The following SLC5A10 variants were observed in gnomAD, a reference collection of about 807,000 sequenced individuals.
The protein encoded by SLC5A10 is solute carrier family 5 member 10, also known as sodium/mannose cotransporter SLC5A10.
In SLC5A10, 55 loss-of-function variants were observed where a neutral mutation model predicts 68.9. That is an observed-to-expected ratio of 0.80 (90% CI 0.64 to 1.00). The LOEUF is 1.00. Among genes scored for constraint, SLC5A10 ranks in the 50% least tolerant of loss-of-function variants. The probability of loss-of-function intolerance (pLI) is 0.00; values close to 1 mark genes in which losing one functional copy is unlikely to be tolerated. For missense variants in SLC5A10, 732 were observed against 819.3 expected, an observed-to-expected ratio of 0.89 and a Z score of 1.30; for synonymous variants, 344 against 344.8, an observed-to-expected ratio of 1.00 and a Z score of 0.02.
intron 5 of SLC5A10, among the ~76,000 whole-genome samples, chr17:18,966,092 G>A (rs1325158058): frequency 2.0e-5 from 3 of 152,336 alleles, no homozygotes; most frequent in East Asian, 1.9e-4. Context: ...AACCAGGGCC[G>A]TGAAGCACTG....
chr17:18,994,151 A>G (rs529811545), intron 9 of SLC5A10, among the ~76,000 whole-genome samples: 1 of 152,300 alleles, frequency 6.6e-6, no homozygotes, highest in Non-Finnish European at 1.5e-5. Flanking sequence ...TTCAACTTCC[A>G]CTTACAGCCA....
Position 19,021,222 on chromosome 17 carries a change from C to T in SLC5A10, c.*791C>T, listed in dbSNP as rs889680493. 2 of 152,300 alleles carry T rather than the reference C, an allele frequency of 1.3e-5. No homozygotes were observed. Among genetic ancestry groups the T allele is most frequent in the Non-Finnish European group, 2.9e-5 (2 of 68,098 alleles). 9.4% of individuals were successfully genotyped at this position (152,300 alleles called of 1,614,324 possible). Reference sequence around the variant, plus strand: ...GGTCTGGGCAGAACCTGGGCCTAAACAAACAAGAGCCAGGGCAGCCAGGGT... The same window carrying T: ...GGTCTGGGCAGAACCTGGGCCTAAATAAACAAGAGCCAGGGCAGCCAGGGT... On this transcript the variant is annotated 3_prime_UTR_variant, in exon 15 of 15. Transcript: ENST00000395645. The surrounding 1 kb of genome is among the most constrained non-coding windows in gnomAD (Gnocchi z 4.1).
Position 18,995,401 on chromosome 17 carries a change from T to C in SLC5A10, c.983-18009T>C, listed in dbSNP as rs78338149. 0.017 allele frequency among the ~76,000 whole-genome samples: 2,541 copies of C among 152,230 alleles called. 121 individuals are homozygous for C. The South Asian group carries it at 0.2, about 12-fold the overall frequency. On this transcript the variant is annotated intron_variant, in intron 9 of 14. Transcript: ENST00000395645. ...ACTATAGAAGAGAAAATTAGTGAAC[T>C]TGAAGACATGTAAGTAGAAACTGTC...
rs536885783 is a variant in SLC5A10, at chr17:18,979,034, T to C, written c.982+2045T>C. 8.7e-5 allele frequency: 58 copies of C among 665,796 alleles called. 1 individual carries two copies. The Middle Eastern group carries it at 1.3e-3, about 14-fold the overall frequency. 41.2% of individuals were successfully genotyped at this position (665,796 alleles called of 1,614,324 possible). On this transcript the variant is annotated intron_variant, in intron 9 of 14. Transcript: ENST00000395645. ...CTGAGTCGGATGTCAAGCAAGTTGGTTGCACCAAGCCCATTCCCACCTCTG... is the reference window on the plus strand; with the variant it reads ...CTGAGTCGGATGTCAAGCAAGTTGGCTGCACCAAGCCCATTCCCACCTCTG...
chr17:18,965,089 A>T lies in SLC5A10; in HGVS notation c.454-3963A>T, dbSNP rs538381466. ...AACCCAGGAGGCAGAGGTTTTTTTAAAAAAAAAAAAAAAGAGGAAATGCAG... is the reference window on the plus strand; with the variant it reads ...AACCCAGGAGGCAGAGGTTTTTTTATAAAAAAAAAAAAAGAGGAAATGCAG... On this transcript the variant is annotated intron_variant, in intron 5 of 14. Coordinates refer to ENST00000395645, the MANE Select transcript of SLC5A10 (RefSeq NM_001042450.4). Among the ~76,000 whole-genome samples, 44 of 126,106 alleles carry T rather than the reference A, an allele frequency of 3.5e-4. No individual in the cohort carries two copies. In the East Asian group the frequency reaches 4.2e-3, roughly 12 times the overall value. The allele number at this position is 126,106 out of a possible 152,430, so 82.7% of individuals were successfully genotyped here.
chr17:19,013,036 CCT>C (rs1456822999), intron 9 of SLC5A10, among the ~76,000 whole-genome samples: 2 of 152,232 alleles, frequency 1.3e-5, no homozygotes, highest in African/African-American at 2.4e-5. Flanking sequence ...ATCCTGCAGG[CCT>C]CTCTCTTCTC....
intron 10 of SLC5A10, among the ~76,000 whole-genome samples, chr17:19,014,129 AG>A (rs1207943614): frequency 1.3e-5 from 2 of 152,192 alleles, no homozygotes; most frequent in South Asian, 4.1e-4. Flanking sequence ...CCTTCCGGGC[AG>A]GGGGGCCTAT....
intron 8 of SLC5A10, among the ~76,000 whole-genome samples, chr17:18,973,471 T>C (rs1014166506): frequency 6.6e-6 from 1 of 152,212 alleles, no homozygotes; most frequent in Non-Finnish European, 1.5e-5. Context: ...CCCCATCCTC[T>C]ACCCCTTGGG....
chr17:19,004,710 G>T lies in SLC5A10; in HGVS notation c.983-8700G>T. The T allele has an allele frequency of 6.6e-6, 1 of 151,554 alleles. No individual in the cohort carries two copies. Among genetic ancestry groups the T allele is most frequent in the South Asian group, 1.9e-4 (1 of 5,268 alleles). 9.4% of individuals were successfully genotyped at this position (151,554 alleles called of 1,614,324 possible). A position where few individuals can be genotyped will look rare whatever the true frequency, so the allele number is the denominator to read the frequency against. ...GGGGCGCGGCCGGGACTTGCTTACC[G>T]AGCGGGCGCTGGCGGAGCGGGGCGC... On this transcript the variant is annotated intron_variant, in intron 9 of 14. Transcript: ENST00000395645. The surrounding 1 kb of genome is among the most constrained non-coding windows in gnomAD (Gnocchi z 5.4).
At chr17:19,005,732 C>T (rs1475879837) in intron 9 of SLC5A10, among the ~76,000 whole-genome samples, 1 of 151,586 alleles carries the variant, frequency 6.6e-6, no homozygotes, top group East Asian at 2.0e-4. Flanking sequence ...CAATGACTAG[C>T]CTCCTAGGCC....
At chr17:18,976,555 C>G in intron 8 of SLC5A10, 2 of 373,418 alleles carry the variant, frequency 5.4e-6, no homozygotes, top group Non-Finnish European at 9.7e-6. Flanking sequence ...CTCCTCCAGC[C>G]CTGACAATTG....
rs1597832928 is a variant in SLC5A10, at chr17:18,970,945, G to C, written c.641-68G>C. On this transcript the variant is annotated intron_variant, in intron 7 of 14. Coordinates refer to ENST00000395645, the MANE Select transcript of SLC5A10 (RefSeq NM_001042450.4). ...GGAAGTTTCTTGTGAGATGAAGGCA[G>C]GGGGGAGCCCAGGGAGTCAGGGCCC... 3.4e-6 allele frequency: 5 copies of C among 1,472,336 alleles called. 1 individual carries two copies. The Admixed American group carries it at 5.1e-5, about 15-fold the overall frequency. The allele number at this position is 1,472,336 out of a possible 1,614,324, so 91.2% of individuals were successfully genotyped here.
chr17:19,004,864 A>T lies in SLC5A10; in HGVS notation c.983-8546A>T, dbSNP rs1256424527. ...CCGGGGCGGGGCCGGAAGCTGATTC[A>T]CCCCTCGACAGACAGACAGACCTGG... On this transcript the variant is annotated intron_variant, in intron 9 of 14. Transcript: ENST00000395645. This position sits in a 1 kb window ranked among gnomAD's most constrained non-coding sequence, Gnocchi z 5.4. 6.6e-6 allele frequency: 1 copy of T among 151,478 alleles called. No individual in the cohort carries two copies. Among genetic ancestry groups the T allele is most frequent in the Non-Finnish European group, 1.5e-5 (1 of 67,816 alleles). 9.4% of individuals were successfully genotyped at this position (151,478 alleles called of 1,614,324 possible).
In SLC5A10 at chr17:18,977,778, G is replaced by A. The variant is rs201046878; in HGVS notation, c.982+789G>A. 3.0e-3 allele frequency: 4,886 copies of A among 1,602,742 alleles called. 10 individuals carry two copies. Among genetic ancestry groups the A allele is most frequent in the Middle Eastern group, 0.012 (70 of 6,014 alleles). On this transcript the variant is annotated intron_variant, in intron 9 of 14. Transcript: ENST00000395645. ...GCCACTTGCTCTGAGTGGCGCCTCC[G>A]GAGAGGGACTGAGTGCTCTCTCACC...
At chr17:18,962,040 T>C (rs2042623126) in intron 5 of SLC5A10, among the ~76,000 whole-genome samples, 2 of 152,190 alleles carry the variant, frequency 1.3e-5, no homozygotes, top group South Asian at 2.1e-4. Flanking sequence ...AGGCTGAGTT[T>C]AGAGCTTTCC....
chr17:18,965,524 C>T (rs2042692681), intron 5 of SLC5A10, among the ~76,000 whole-genome samples: 1 of 152,352 alleles, frequency 6.6e-6, no homozygotes, highest in Admixed American at 6.5e-5. Flanking sequence ...TCCCAGCCTC[C>T]TTCAGCCTCA....
intron 9 of SLC5A10, chr17:18,988,337 T>C (rs1454859264): frequency 6.2e-7 from 1 of 1,614,108 alleles, no homozygotes; most frequent in African/African-American, 1.3e-5. Context: ...ACACGGCCAC[T>C]TTCCTCTTGA....
intron 9 of SLC5A10, among the ~76,000 whole-genome samples, chr17:18,984,629 A>G (rs1477498749): frequency 6.6e-6 from 1 of 152,210 alleles, no homozygotes; most frequent in Non-Finnish European, 1.5e-5. Flanking sequence ...TGGCTGCACG[A>G]AGTCAACTGG....
At chr17:19,005,393 T>TTG (rs2043856972) in intron 9 of SLC5A10, among the ~76,000 whole-genome samples, 3 of 151,904 alleles carry the variant, frequency 2.0e-5, no homozygotes, top group African/African-American at 7.3e-5. Flanking sequence ...TCCCCTGGGG[T>TTG]TGGGACCCTG....
Sources: allele counts gnomAD v4.1 joint callset (sites outside exome capture counted in the v4.1 genomes callset), GRCh38; gene constraint gnomAD v4.1.1; non-coding constraint Gnocchi (gnomAD v3.1); transcripts MANE v1.5; gene names NCBI Gene and HGNC (gene_info 2026-07-23, HGNC 2026-07-21).